Variants in EXTL3 observed in about 807,000 individuals in gnomAD.
EXTL3 encodes the protein exostosin-like 3.
A neutral mutation model predicts 69.3 loss-of-function variants in EXTL3; 27 were observed. That is an observed-to-expected ratio of 0.39 (90% CI 0.29 to 0.54). EXTL3 has a LOEUF of 0.54. Among genes scored for constraint, EXTL3 ranks in the 20% least tolerant of loss-of-function variants. The pLI is 0.69. For missense variants in EXTL3, 1,003 were observed against 1,231.8 expected (o/e 0.81, Z 2.78); for synonymous variants, 511 against 499.4 (o/e 1.02, Z -0.31).
chr8:28,619,572 C>T (rs1806379291), upstream of EXTL3, among the ~76,000 whole-genome samples: 1 of 152,060 alleles, frequency 6.6e-6, no homozygotes. Context: ...GGAGGTTCTG[C>T]TCCTAACCCC....
intron 3 of EXTL3, 142 bp downstream of exon 3, chr8:28,718,349 C>A: frequency 1.2e-6 from 1 of 867,332 alleles, no homozygotes; most frequent in Non-Finnish European, 1.9e-6. Flanking sequence ...TGTATAGATT[C>A]CTTTCTTCCT....
intron 5 of EXTL3, chr8:28,742,047 T>C (rs561802146): frequency 4.2e-4 from 64 of 152,344 alleles, no homozygotes; most frequent in African/African-American, 1.5e-3. Flanking sequence ...TAAATACTCT[T>C]ACCTTGGCTG....
At chr8:28,698,727 C>T (rs1456647931), upstream of EXTL3, among the ~76,000 whole-genome samples, 1 of 152,098 alleles carries the variant, frequency 6.6e-6, no homozygotes, top group East Asian at 1.9e-4. Flanking sequence ...GGCGTGGTGG[C>T]TCATGCCTGT....
In EXTL3 at chr8:28,685,109, G is replaced by A. The variant is rs534607018; in HGVS notation, c.-52-28348G>A. On this transcript the variant is annotated intron_variant, in intron 1 of 6. Coordinates refer to the EXTL3 transcript ENST00000523149. ...TGGGATTACAGGCACGTGCCACCAC[G>A]CCTAGCTAATTTTTATATTTTAAGT... Among the ~76,000 whole-genome samples the A allele has an allele frequency of 2.5e-3, 374 of 151,950 alleles. 2 individuals carry two copies. The highest frequency in any genetic ancestry group is 0.01 in the Middle Eastern group (3 of 294).
chr8:28,714,880 C>G (rs1218732793), intron 2 of EXTL3, among the ~76,000 whole-genome samples: 1 of 152,236 alleles, frequency 6.6e-6, no homozygotes, highest in East Asian at 1.9e-4. Context: ...AAACCAAGGT[C>G]TGATAGCAAA....
intron 2 of EXTL3, among the ~76,000 whole-genome samples, chr8:28,714,006 A>T (rs896145870): frequency 1.4e-5 from 2 of 145,094 alleles, no homozygotes; most frequent in African/African-American, 5.2e-5. Flanking sequence ...TCCCGGGTTC[A>T]GGCGATTCTC....
rs979882136 is a variant in EXTL3, at chr8:28,718,045, GT to G, written c.1988del (p.Phe663SerfsTer4). ...TTGGAGGCAATGTTCCCCGAGAGCA[GT>G]TCACGGTGGTGATGTTGACTTATGA... ...ALGGNVPREQ[F>X]TVVMLTYERE... On this transcript the variant is annotated frameshift_variant, in exon 3 of 7. Transcript: ENST00000220562. LOFTEE classifies it high-confidence loss of function. 6.2e-7 allele frequency: 1 copy of G among 1,614,014 alleles called. No homozygotes were observed. The highest frequency in any genetic ancestry group is 8.5e-7 in the Non-Finnish European group (1 of 1,180,044).
intron 1 of EXTL3, among the ~76,000 whole-genome samples, chr8:28,661,210 T>C (rs1199626298): frequency 2.6e-5 from 4 of 152,036 alleles, no homozygotes; most frequent in African/African-American, 9.7e-5. Flanking sequence ...TTTGTTTCTA[T>C]TGTTTACATA....
intron 1 of EXTL3, among the ~76,000 whole-genome samples, chr8:28,676,472 T>A (rs1807384730): frequency 6.6e-6 from 1 of 152,094 alleles, no homozygotes; most frequent in African/African-American, 2.4e-5. Context: ...CAGAGTGGGT[T>A]TAGGAGATAC....
At position 28,716,929 on chromosome 8, in the gene EXTL3, C is replaced by T. The variant is rs36092162; in HGVS notation, c.870C>T (p.Asn290=). Residue 290 remains asparagine, a synonymous_variant, in exon 3 of 7, where the codon AAC becomes AAT. Transcript: ENST00000220562. The surrounding 1 kb of genome is among the most constrained non-coding windows in gnomAD (Gnocchi z 7.1). Reference sequence around the variant, plus strand: ...CAGATACACAGAACCTTCTCTATAACGTCAGTACTGGCCGTGCCATGGTGG... The same window carrying T: ...CAGATACACAGAACCTTCTCTATAATGTCAGTACTGGCCGTGCCATGGTGG... ...RKSDTQNLLY[N]VSTGRAMVAQ... The T allele has an allele frequency of 4.2e-3, 6,800 of 1,614,212 alleles. 18 individuals carry two copies. Among genetic ancestry groups the T allele is most frequent in the Non-Finnish European group, 5.0e-3 (5,922 of 1,180,034 alleles).
chr8:28,665,982 T>G (rs1807190585), intron 1 of EXTL3, among the ~76,000 whole-genome samples: 1 of 152,234 alleles, frequency 6.6e-6, no homozygotes, highest in African/African-American at 2.4e-5. Flanking sequence ...TTTCAAGATC[T>G]GGCCTTCCTG....
At chr8:28,615,859 C>T (rs1754662804) in intron 2 of EXTL3, among the ~76,000 whole-genome samples, 1 of 152,104 alleles carries the variant, frequency 6.6e-6, no homozygotes, top group South Asian at 2.1e-4. Flanking sequence ...CAGGCTTTAG[C>T]CACCATGTCC....
intron 1 of EXTL3, among the ~76,000 whole-genome samples, chr8:28,632,092 G>A (rs1376991735): frequency 7.0e-6 from 1 of 142,258 alleles, no homozygotes; most frequent in Non-Finnish European, 1.5e-5. Flanking sequence ...ACTCCATCCC[G>A]CCACCACCCA....
chr8:28,642,306 CA>C (rs1240701120), intron 1 of EXTL3, among the ~76,000 whole-genome samples: 3 of 151,756 alleles, frequency 2.0e-5, no homozygotes, highest in Non-Finnish European at 4.4e-5. Context: ...ATTAGCAGGG[CA>C]TGGGGACATG....
At chr8:28,618,828 TA>T (rs1239621963), upstream of EXTL3, among the ~76,000 whole-genome samples, 1 of 151,844 alleles carries the variant, frequency 6.6e-6, no homozygotes, top group East Asian at 1.9e-4. Context: ...CTCACGCCTC[TA>T]ATCCCAGCAC....
At chr8:28,734,695 T>C (rs929702843) in intron 4 of EXTL3, among the ~76,000 whole-genome samples, 1 of 152,098 alleles carries the variant, frequency 6.6e-6, no homozygotes, top group Non-Finnish European at 1.5e-5. Context: ...GCAACAGAGC[T>C]AAAACAAAAC....
chr8:28,629,088 T>TG (rs1806535411), intron 1 of EXTL3, among the ~76,000 whole-genome samples: 1 of 152,160 alleles, frequency 6.6e-6, no homozygotes, highest in Non-Finnish European at 1.5e-5. Flanking sequence ...ATCCAGTGAC[T>TG]GCCTAGGGTC....
intron 3 of EXTL3, among the ~76,000 whole-genome samples, chr8:28,730,925 G>A (rs753551413): frequency 7.9e-5 from 12 of 152,126 alleles, no homozygotes; most frequent in Non-Finnish European, 1.6e-4. Flanking sequence ...TGGGAGAGTT[G>A]TTTTTAATTT....
intron 6 of EXTL3, among the ~76,000 whole-genome samples, chr8:28,745,863 G>GA (rs769024101): frequency 6.6e-6 from 1 of 152,278 alleles, no homozygotes; most frequent in East Asian, 1.9e-4. Flanking sequence ...CTTACCAAGT[G>GA]AAAACTTCAA....
Sources: gnomAD v4.1 joint callset for allele counts (sites outside exome capture counted in the v4.1 genomes callset) on GRCh38, gnomAD v4.1.1 for gene constraint, Gnocchi (gnomAD v3.1) non-coding constraint, MANE v1.5 for transcripts, NCBI Gene and HGNC (gene_info 2026-07-23, HGNC 2026-07-21) for gene names.